F8: variants seen among roughly 807,000 people sequenced by gnomAD.
F8 encodes the protein antihemophilic factor.
F8 carries 12 observed loss-of-function variants against 140.6 expected under a neutral mutation model. That is an observed-to-expected ratio of 0.09 (90% CI 0.05 to 0.14). The LOEUF (loss-of-function observed/expected upper bound fraction) is 0.14, where lower values mean the gene tolerates loss of function less well. Ranked by LOEUF, F8 falls within the 10% of genes least tolerant of loss-of-function variation. The pLI, the probability that F8 is intolerant of heterozygous loss-of-function variation, is 1.00. For synonymous variants in F8, 585 were observed against 614.6 expected (o/e 0.95, Z 0.71); for missense variants, 1,354 against 1,720.7 (o/e 0.79, Z 3.77).
chrX:154,956,961 T>C lies in F8; in HGVS notation c.1748A>G (p.Asn583Ser), dbSNP rs782657516. The change falls in exon 11 of 26, where the codon AAC becomes AGC. Residue 583 changes from asparagine (N) to serine (S), a missense_variant. Transcript: ENST00000360256. ...CTTGGAAAGGCAAGAACTCACCTGG[T>C]TTCCTCTTTGATCTACAGATTCTTT... The part of the protein sequence containing the change: ...CYKESVDQRG[N>S]QIMSDKRNVI... 22 of 1,207,743 alleles carry C rather than the reference T, an allele frequency of 1.8e-5. 1 individual carries two copies. The South Asian group carries it at 3.5e-4, about 19-fold the overall frequency.
At chrX:154,942,555 C>T (rs1252869500) in intron 13 of F8, among the ~76,000 whole-genome samples, 1 of 111,452 alleles carries the variant, frequency 9.0e-6, no homozygotes, top group Non-Finnish European at 1.9e-5. Flanking sequence ...AGTCCAGGAC[C>T]AGATGGATTC....
At chrX:154,848,762 C>T (rs1246335945) in intron 25 of F8, among the ~76,000 whole-genome samples, 5 of 111,282 alleles carry the variant, frequency 4.5e-5, no homozygotes, top group African/African-American at 1.6e-4. Context: ...TACCCTGCTT[C>T]GGCTCATGCT....
intron 1 of F8, among the ~76,000 whole-genome samples, chrX:155,020,985 CA>C (rs1190186822): frequency 8.9e-6 from 1 of 111,744 alleles, no homozygotes; most frequent in African/African-American, 3.3e-5. Context: ...GTTTGTTCAA[CA>C]GAAGTAAAAG....
At chrX:154,991,872 T>G (rs782562778) in intron 4 of F8, among the ~76,000 whole-genome samples, 16 of 112,034 alleles carry the variant, frequency 1.4e-4, no homozygotes, top group Non-Finnish European at 2.6e-4. Context: ...TGTTAATAAA[T>G]TCTTTGCCTA....
intron 25 of F8, among the ~76,000 whole-genome samples, chrX:154,852,382 T>C (rs1358595612): frequency 8.9e-6 from 1 of 111,984 alleles, no homozygotes; most frequent in Non-Finnish European, 1.9e-5. Flanking sequence ...TTGAGTTAAA[T>C]TTTGTATATG....
chrX:154,904,437 C>T lies in F8; in HGVS notation c.5674G>A (p.Val1892Ile). ...LNPAHGRQVT[V>I]QEFALFFTIF... ...GTGAAAAACAGAGCAAATTCCTGTA[C>T]TGTCACTTGTCTCCCATGAGCAGGG... The change falls in exon 17 of 26, where the codon GTA becomes ATA. Residue 1892 changes from valine to isoleucine, a missense_variant. By Grantham distance (29) the Val-to-Ile change is conservative. Coordinates refer to ENST00000360256, the MANE Select transcript of F8 (RefSeq NM_000132.4). 2.5e-6 allele frequency: 3 copies of T among 1,211,684 alleles called. No homozygotes were observed. The highest frequency in any genetic ancestry group is 3.4e-6 in the Non-Finnish European group (3 of 895,311).
In F8 at chrX:154,931,331, T is replaced by G. The variant is rs200909936; in HGVS notation, c.2459A>C (p.His820Pro). 1 of 1,209,978 alleles carries G rather than the reference T, an allele frequency of 8.3e-7. No individual in the cohort carries two copies. Among genetic ancestry groups the G allele is most frequent in the East Asian group, 3.0e-5 (1 of 33,840 alleles). ...LMLLRQSPTP[H>P]GLSLSDLQEA... ...TTGGAGATCAGATAAGGATAGCCCA[T>G]GTGGAGTAGGACTCTGTCGCAAGAG... Residue 820 changes from histidine (H) to proline (P), a missense_variant, in exon 14 of 26, where the codon CAT becomes CCT. By Grantham distance (77) the His-to-Pro change is moderately conservative. Around this residue, in one of 4 missense-constraint regions of F8, gnomAD observed 658 missense variants for 666.5 expected, o/e 0.99. Coordinates refer to ENST00000360256, the MANE Select transcript of F8 (RefSeq NM_000132.4).
chrX:154,971,748 T>C (rs1340189343), intron 6 of F8, among the ~76,000 whole-genome samples: 5 of 111,793 alleles, frequency 4.5e-5, no homozygotes, highest in Non-Finnish European at 7.5e-5. Context: ...ATTTTAAAGA[T>C]TGTACATAGG....
At chrX:155,017,501 C>A (rs184709509) in intron 1 of F8, among the ~76,000 whole-genome samples, 182 of 112,303 alleles carry the variant, frequency 1.6e-3, no homozygotes, top group Non-Finnish European at 2.2e-3. Context: ...TAAAATCATA[C>A]GTCTAGATTA....
intron 1 of F8, among the ~76,000 whole-genome samples, chrX:155,018,728 A>T (rs1444351928): frequency 8.9e-6 from 1 of 112,288 alleles, no homozygotes. Context: ...CTTCCTAGAA[A>T]GGTATATAAT....
intron 25 of F8, among the ~76,000 whole-genome samples, chrX:154,842,570 T>G (rs2072529726): frequency 8.9e-6 from 1 of 112,215 alleles, no homozygotes; most frequent in Non-Finnish European, 1.9e-5. Context: ...AATTTATGAT[T>G]TCTTATTTGA....
chrX:154,951,084 T>C (rs2073335195), intron 12 of F8, among the ~76,000 whole-genome samples: 1 of 112,152 alleles, frequency 8.9e-6, no homozygotes, highest in Non-Finnish European at 1.9e-5. Context: ...AGAAATTTGG[T>C]AATCATCTTT....
chrX:154,894,142 ATT>A (rs1334435627), intron 22 of F8, among the ~76,000 whole-genome samples: 1 of 111,847 alleles, frequency 8.9e-6, no homozygotes, highest in African/African-American at 3.3e-5. Flanking sequence ...AAATCAGTGT[ATT>A]TCTTAAATGT....
chrX:154,954,154 G>A, intron 11 of F8, 112 bp from the exon 12 acceptor site: 1 of 818,718 alleles, frequency 1.2e-6, no homozygotes. Flanking sequence ...CTAATCCATT[G>A]GTTTAATTCC....
At chrX:154,945,409 T>C in intron 13 of F8, among the ~76,000 whole-genome samples, 1 of 111,762 alleles carries the variant, frequency 8.9e-6, no homozygotes. Flanking sequence ...TTCATCATGA[T>C]CAAGGGGGAT....
intron 6 of F8, among the ~76,000 whole-genome samples, chrX:154,980,959 C>T (rs2073515617): frequency 8.9e-6 from 1 of 112,156 alleles, no homozygotes; most frequent in East Asian, 2.8e-4. Flanking sequence ...CAACAGAGAC[C>T]ATATCAAAAA....
chrX:154,937,279 C>CA lies in F8; in HGVS notation c.2114-5604dup, dbSNP rs1303011581. Among the ~76,000 whole-genome samples the CA allele has an allele frequency of 3.6e-5, 4 of 110,300 alleles. No individual in the cohort carries two copies. The East Asian group carries it at 1.1e-3, about 31-fold the overall frequency. On this transcript the variant is annotated intron_variant, in intron 13 of 25. Transcript: ENST00000360256. ...AATTCAACATAGAAAATAAACAAAA[C>CA]AAAAAAATTTTTTTAATTCCATGAC...
chrX:154,841,620 A>G (rs995284123), intron 25 of F8, among the ~76,000 whole-genome samples: 2 of 111,514 alleles, frequency 1.8e-5, no homozygotes, highest in African/African-American at 3.3e-5. Context: ...CTATGCCATC[A>G]TATCTTCCAC....
At chrX:154,984,396 T>C (rs1339746536) in intron 6 of F8, among the ~76,000 whole-genome samples, 2 of 112,211 alleles carry the variant, frequency 1.8e-5, no homozygotes, top group Non-Finnish European at 3.8e-5. Context: ...GCATATCCCT[T>C]CCATATTTTA....
Sources: gnomAD v4.1 joint callset for allele counts (sites outside exome capture counted in the v4.1 genomes callset) on GRCh38, gnomAD v4.1.1 for gene constraint, gnomAD v4.1.1 regional missense constraint, MANE v1.5 for transcripts, NCBI Gene and HGNC (gene_info 2026-07-23, HGNC 2026-07-21) for gene names.